Variants in SNCAIP observed in about 807,000 individuals in gnomAD.
SNCAIP encodes the protein synuclein alpha interacting protein, also known as synphilin-1.
In SNCAIP, 43 loss-of-function variants were observed where a neutral mutation model predicts 86.7. The observed-to-expected ratio is 0.50, with a 90% confidence interval of 0.39 to 0.64. The LOEUF (loss-of-function observed/expected upper bound fraction) is 0.64. Ranked by LOEUF, SNCAIP falls within the 30% of genes least tolerant of loss-of-function variation. The pLI is 0.00. For missense variants in SNCAIP, 981 were observed against 1,103.1 expected (o/e 0.89, Z 1.57); for synonymous variants, 417 against 427.2 (o/e 0.98, Z 0.29).
At chr5:122,403,580 CTT>C (rs1302593237) in intron 2 of SNCAIP, among the ~76,000 whole-genome samples, 3 of 152,126 alleles carry the variant, frequency 2.0e-5, no homozygotes, top group Non-Finnish European at 2.9e-5. Context: ...GCCCAGCCCT[CTT>C]TTTAAACTGC....
chr5:122,419,646 T>A (rs977441277), intron 3 of SNCAIP, among the ~76,000 whole-genome samples: 1 of 152,194 alleles, frequency 6.6e-6, no homozygotes. Flanking sequence ...ATGGAACTTG[T>A]ACAAATCTAA....
chr5:122,449,081 C>T, intron 8 of SNCAIP, among the ~76,000 whole-genome samples: 1 of 152,052 alleles, frequency 6.6e-6, no homozygotes, highest in Non-Finnish European at 1.5e-5. Context: ...ATGAACACAT[C>T]ACAAATTGAA....
At chr5:122,404,470 G>A (rs1475171686) in intron 3 of SNCAIP, among the ~76,000 whole-genome samples, 1 of 152,108 alleles carries the variant, frequency 6.6e-6, no homozygotes, top group Non-Finnish European at 1.5e-5. Context: ...TACATTCTGA[G>A]TTGTTTTCCC....
At chr5:122,379,422 G>A (rs1182710900) in intron 1 of SNCAIP, among the ~76,000 whole-genome samples, 1 of 98,920 alleles carries the variant, frequency 1.0e-5, no homozygotes, top group Non-Finnish European at 2.0e-5. Flanking sequence ...TTGCTTATCA[G>A]CTTAAGGAGA....
chr5:122,399,483 A>G (rs905859686), intron 2 of SNCAIP, among the ~76,000 whole-genome samples: 1 of 152,192 alleles, frequency 6.6e-6, no homozygotes, highest in Non-Finnish European at 1.5e-5. Context: ...ATATATTAAG[A>G]ATTTTTAAAT....
intron 1 of SNCAIP, chr5:122,323,482 T>C (rs1486208057): frequency 6.6e-6 from 1 of 152,178 alleles, no homozygotes; most frequent in Non-Finnish European, 1.5e-5. Flanking sequence ...TCTTATGTAA[T>C]GTATGTAAAT....
intron 1 of SNCAIP, among the ~76,000 whole-genome samples, chr5:122,378,020 A>G (rs1460816043): frequency 4.0e-5 from 6 of 150,062 alleles, no homozygotes; most frequent in Non-Finnish European, 8.9e-5. Context: ...GTGTCTTTAT[A>G]GCAGCATGAT....
chr5:122,425,972 T>C (rs1280828774), intron 5 of SNCAIP, among the ~76,000 whole-genome samples: 2 of 152,232 alleles, frequency 1.3e-5, no homozygotes, highest in Non-Finnish European at 2.9e-5. Context: ...TTTGAGTGTC[T>C]TCAGTATCAA....
At chr5:122,338,728 C>T in intron 1 of SNCAIP, among the ~76,000 whole-genome samples, 1 of 152,106 alleles carries the variant, frequency 6.6e-6, no homozygotes, top group Non-Finnish European at 1.5e-5. Context: ...ATTAAACTTT[C>T]AAGTTTCATT....
chr5:122,444,758 A>C, intron 8 of SNCAIP, 26 bp downstream of exon 8: 3 of 1,588,114 alleles, frequency 1.9e-6, no homozygotes, highest in Non-Finnish European at 2.6e-6. Context: ...GTTCCATGAG[A>C]ACCAAGTCTA....
chr5:122,407,346 T>G (rs867985252), intron 3 of SNCAIP, among the ~76,000 whole-genome samples: 1 of 152,042 alleles, frequency 6.6e-6, no homozygotes, highest in African/African-American at 2.4e-5. Flanking sequence ...TTAGCAAGTA[T>G]GAGGAAGAAA....
intron 7 of SNCAIP, chr5:122,443,943 T>A: frequency 2.5e-6 from 1 of 393,382 alleles, no homozygotes; most frequent in Non-Finnish European, 5.0e-6. Context: ...CTCTCCTCAT[T>A]AAAGAGGTGA....
intron 1 of SNCAIP, chr5:122,369,731 A>G (rs1763898945): frequency 6.6e-6 from 1 of 152,114 alleles, no homozygotes; most frequent in Admixed American, 6.6e-5. Flanking sequence ...TTGGTGAAGG[A>G]TGCAGTCTTG....
chr5:122,450,619 T>G lies in SNCAIP; in HGVS notation c.1772T>G (p.Val591Gly), dbSNP rs1357022159. The change falls in exon 10 of 11, where the codon GTC (valine) becomes GGC (glycine). Residue 591 changes from valine (V) to glycine (G), a missense_variant. Val to Gly is a moderately radical substitution (Grantham distance 109). Coordinates refer to ENST00000261368, the MANE Select transcript of SNCAIP (RefSeq NM_005460.4). ...DDSVAKSKPG[V>G]QEGIQVLGSL... ...TCTGTAGCCAAAAGCAAGCCAGGAGTCCAAGAGGGGATTCAGGTTCTTGGA... is the reference window on the plus strand; with the variant it reads ...TCTGTAGCCAAAAGCAAGCCAGGAGGCCAAGAGGGGATTCAGGTTCTTGGA... 6.2e-7 allele frequency: 1 copy of G among 1,613,592 alleles called. No individual in the cohort carries two copies. The highest frequency in any genetic ancestry group is 1.1e-5 in the South Asian group (1 of 91,034).
intron 1 of SNCAIP, among the ~76,000 whole-genome samples, chr5:122,369,195 A>G (rs1580742929): frequency 6.6e-6 from 1 of 152,214 alleles, no homozygotes; most frequent in East Asian, 1.9e-4. Flanking sequence ...ACTCAATTTA[A>G]AGGAGCAAAT....
rs80280344 is a variant in SNCAIP at position 122,414,874 on chromosome 5, T to A, written c.131-7994T>A. ...TCATTTATTTCCAAGTAAGAATACA[T>A]AAGAACTGCCTTTCCATCCTCCAGA... On this transcript the variant is annotated intron_variant, in intron 3 of 10. Coordinates refer to ENST00000261368, the MANE Select transcript of SNCAIP (RefSeq NM_005460.4). Among the ~76,000 whole-genome samples the A allele has an allele frequency of 4.0e-3, 607 of 152,296 alleles. 3 individuals are homozygous for A. The highest frequency in any genetic ancestry group is 0.013 in the African/African-American group (554 of 41,568).
At chr5:122,344,063 C>A (rs1455136249) in intron 1 of SNCAIP, among the ~76,000 whole-genome samples, 1 of 152,192 alleles carries the variant, frequency 6.6e-6, no homozygotes, top group African/African-American at 2.4e-5. Flanking sequence ...GACTGTCTCT[C>A]TCACTTACTT....
At chr5:122,327,940 C>T (rs1306654788) in intron 1 of SNCAIP, among the ~76,000 whole-genome samples, 3 of 152,098 alleles carry the variant, frequency 2.0e-5, no homozygotes, top group Non-Finnish European at 2.9e-5. Context: ...TTTTCAAAGG[C>T]ATCACAGGAA....
chr5:122,432,112 T>A, intron 6 of SNCAIP, 30 bp downstream of exon 6: 1 of 900,946 alleles, frequency 1.1e-6, no homozygotes, highest in Non-Finnish European at 1.9e-6. Context: ...GTATCTTCCC[T>A]TTGTGTACCA....
Sources: gnomAD v4.1 joint callset for allele counts (sites outside exome capture counted in the v4.1 genomes callset) on GRCh38, gnomAD v4.1.1 for gene constraint, MANE v1.5 for transcripts, NCBI Gene and HGNC (gene_info 2026-07-23, HGNC 2026-07-21) for gene names.